The following CLCC1 variants were observed in gnomAD, a reference collection of about 807,000 sequenced individuals.
The protein encoded by CLCC1 is chloride channel CLIC-like protein 1.
A neutral mutation model predicts 63.3 loss-of-function variants in CLCC1; 39 were observed. That is an observed-to-expected ratio of 0.62 (90% CI 0.48 to 0.81). CLCC1 has a LOEUF of 0.81. Ranked by LOEUF, CLCC1 falls within the 30% of genes least tolerant of loss-of-function variation. The pLI is 0.00. For synonymous variants in CLCC1, 217 were observed against 239.8 expected, an observed-to-expected ratio of 0.90 and a Z score of 0.88; for missense variants, 549 against 669.4, an observed-to-expected ratio of 0.82 and a Z score of 1.98.
At chr1:108,937,692 T>C (rs942433920) in intron 10 of CLCC1, among the ~76,000 whole-genome samples, 9 of 152,256 alleles carry the variant, frequency 5.9e-5, no homozygotes, top group African/African-American at 1.9e-4. Context: ...GGCTGAAGCC[T>C]AGATATTTAA....
At chr1:108,960,908 G>T (rs188112768) in intron 2 of CLCC1, among the ~76,000 whole-genome samples, 2 of 151,926 alleles carry the variant, frequency 1.3e-5, no homozygotes, top group Admixed American at 6.6e-5. Context: ...GGCTAGTCCC[G>T]AACTCCTGAG....
At chr1:108,950,117 G>C (rs1409236226) in intron 3 of CLCC1, among the ~76,000 whole-genome samples, 192 bp downstream of exon 3, 1 of 152,080 alleles carries the variant, frequency 6.6e-6, no homozygotes, top group Non-Finnish European at 1.5e-5. Context: ...GCTACTTCAA[G>C]GGCTTTACAT....
At chr1:108,942,892 G>A (rs1654018944) in intron 7 of CLCC1, among the ~76,000 whole-genome samples, 1 of 151,950 alleles carries the variant, frequency 6.6e-6, no homozygotes, top group Admixed American at 6.6e-5. Context: ...ATTTTTAAAT[G>A]TATCCACATA....
rs1385285071 is a variant in CLCC1, at chr1:108,940,129, A to C, written c.810T>G (p.Ser270Arg). The C allele has an allele frequency of 6.2e-7, 1 of 1,605,512 alleles. No homozygotes were observed. The highest frequency in any genetic ancestry group is 1.7e-5 in the Admixed American group (1 of 59,772). Residue 270 changes from serine to arginine, a missense_variant, in exon 9 of 13, where the codon AGT (serine) becomes AGG (arginine). Coordinates refer to ENST00000369969, the MANE Select transcript of CLCC1 (RefSeq NM_001377458.1). ...ATGGGTCATCCTTATAGGTCCATGAACTTCTAAACCATTCTGTTTAGAGAA... is the reference window on the plus strand; with the variant it reads ...ATGGGTCATCCTTATAGGTCCATGACCTTCTAAACCATTCTGTTTAGAGAA... The part of the protein sequence containing the change: ...WTGSIWEWFR[S>R]SWTYKDDPCQ...
intron 1 of CLCC1, 23 bp downstream of exon 1, chr1:108,963,338 C>A: frequency 1.4e-6 from 1 of 699,970 alleles, no homozygotes; most frequent in East Asian, 2.7e-5. Context: ...CGCCGCACAA[C>A]ACACCCAACT....
At chr1:108,937,467 C>G in intron 10 of CLCC1, 49 bp from the exon 11 acceptor site, 1 of 1,430,874 alleles carries the variant, frequency 7.0e-7, no homozygotes, top group Non-Finnish European at 9.4e-7. Context: ...GGCTAACTTA[C>G]AAAAGTTATG....
intron 7 of CLCC1, 106 bp from the exon 8 acceptor site, chr1:108,941,604 C>G: frequency 1.7e-6 from 1 of 604,228 alleles, no homozygotes; most frequent in South Asian, 2.8e-5. Context: ...TTCATCCAAA[C>G]CAGACTGTTA....
intron 2 of CLCC1, among the ~76,000 whole-genome samples, chr1:108,954,317 C>A (rs1035794572): frequency 7.3e-6 from 1 of 136,684 alleles, no homozygotes; most frequent in African/African-American, 2.9e-5. Flanking sequence ...GAAACCCAGT[C>A]TCTAATAAAA....
Position 108,929,886 on chromosome 1 carries a change from A to C in CLCC1, c.*2661T>G, listed in dbSNP as rs1250440317. The C allele has an allele frequency of 6.2e-7, 1 of 1,613,792 alleles. No homozygotes were observed. Among genetic ancestry groups the C allele is most frequent in the Non-Finnish European group, 8.5e-7 (1 of 1,179,768 alleles). ...ACTTTGGGCTAAAGGACTTTTTGCA[A>C]AATAATGCTTTGTTGGAGTTTAAAA... On this transcript the variant is annotated 3_prime_UTR_variant, in exon 13 of 13. Transcript: ENST00000369969.
At chr1:108,959,367 A>T (rs539792452) in intron 2 of CLCC1, among the ~76,000 whole-genome samples, 4 of 151,984 alleles carry the variant, frequency 2.6e-5, no homozygotes, top group African/African-American at 7.2e-5. Context: ...AGAAAAAAAA[A>T]AATTAAAGAA....
chr1:108,954,124 A>G (rs564122239), intron 2 of CLCC1, among the ~76,000 whole-genome samples: 1 of 151,328 alleles, frequency 6.6e-6, no homozygotes, highest in East Asian at 1.9e-4. Flanking sequence ...TGGGAGAGGC[A>G]GAGGGCAAAG....
Position 108,944,072 on chromosome 1 carries a change from C to T in CLCC1, c.340-15G>A. Reference sequence around the variant, plus strand: ...TTTTCATCAGGCTAAATTAAATTTACCAAAAAACAAACAATAGAAAGAGAA... The same window carrying T: ...TTTTCATCAGGCTAAATTAAATTTATCAAAAAACAAACAATAGAAAGAGAA... On this transcript the variant is annotated splice_polypyrimidine_tract_variant and intron_variant, in intron 5 of 12. Transcript: ENST00000369969. 6.5e-7 allele frequency: 1 copy of T among 1,537,190 alleles called. No homozygotes were observed.
chr1:108,930,020 T>C lies in CLCC1; in HGVS notation c.*2527A>G. 7.9e-7 allele frequency: 1 copy of C among 1,262,114 alleles called. No homozygotes were observed. The highest frequency in any genetic ancestry group is 2.6e-4 in the Middle Eastern group (1 of 3,824). 78.2% of individuals were successfully genotyped at this position (1,262,114 alleles called of 1,614,324 possible). A position where few individuals can be genotyped will look rare whatever the true frequency, so the allele number is the denominator to read the frequency against. On this transcript the variant is annotated 3_prime_UTR_variant, in exon 13 of 13. Coordinates refer to ENST00000369969, the MANE Select transcript of CLCC1 (RefSeq NM_001377458.1). ...CTTTTTTCCTTAAAAGGAGAATTTA[T>C]AGCACTGTAATACAGCTTAAAATAT...
chr1:108,951,506 T>C (rs1002529182), intron 2 of CLCC1, among the ~76,000 whole-genome samples: 4 of 152,178 alleles, frequency 2.6e-5, no homozygotes, highest in Non-Finnish European at 5.9e-5. Context: ...ACAACACATA[T>C]GAACCTTGAA....
At chr1:108,956,502 A>C (rs1488195681) in intron 2 of CLCC1, among the ~76,000 whole-genome samples, 3 of 150,950 alleles carry the variant, frequency 2.0e-5, no homozygotes, top group South Asian at 2.1e-4. Flanking sequence ...TCTACTAAAA[A>C]TACAAAAAAT....
At chr1:108,935,087 T>C (rs1459510304) in intron 11 of CLCC1, 145 bp from the exon 12 acceptor site, 5 of 757,276 alleles carry the variant, frequency 6.6e-6, no homozygotes, top group East Asian at 2.7e-5. Flanking sequence ...GTTATAATTA[T>C]ATAAATGTTA....
chr1:108,934,494 A>AAAAG (rs1652554735), intron 12 of CLCC1, 131 bp downstream of exon 12: 8 of 659,814 alleles, frequency 1.2e-5, no homozygotes, highest in Non-Finnish European at 2.0e-5. Flanking sequence ...TACATATATA[A>AAAAG]CGTGTTTGTT....
intron 2 of CLCC1, among the ~76,000 whole-genome samples, chr1:108,961,328 G>A (rs1193163075): frequency 6.7e-6 from 1 of 149,806 alleles, no homozygotes; most frequent in Admixed American, 6.6e-5. Flanking sequence ...TCTGAGGTAG[G>A]TCTGAGATCT....
chr1:108,952,999 CT>C (rs112042244), intron 2 of CLCC1, among the ~76,000 whole-genome samples: 5 of 152,230 alleles, frequency 3.3e-5, no homozygotes, highest in African/African-American at 9.6e-5. Context: ...CTCATTCCCC[CT>C]AGCTACATTT....
Sources: gnomAD v4.1 joint callset for allele counts (sites outside exome capture counted in the v4.1 genomes callset) on GRCh38, gnomAD v4.1.1 for gene constraint, MANE v1.5 for transcripts, NCBI Gene and HGNC (gene_info 2026-07-23, HGNC 2026-07-21) for gene names.